PACS1: variants seen among roughly 807,000 people sequenced by gnomAD.
PACS1 encodes the protein PACS-1.
Under a neutral mutation model 115.0 loss-of-function variants are expected in PACS1, and 24 were observed. That is an observed-to-expected ratio of 0.21 (90% CI 0.15 to 0.29). The LOEUF is 0.29. Among genes scored for constraint, PACS1 ranks in the 10% least tolerant of loss-of-function variants. The probability of loss-of-function intolerance (pLI) is 1.00; values close to 1 mark genes in which losing one functional copy is unlikely to be tolerated. For missense variants in PACS1, 838 were observed against 1,251.2 expected (o/e 0.67, Z 4.98); for synonymous variants, 453 against 504.5 (o/e 0.90, Z 1.37).
At chr11:66,153,221 C>T (rs1035737897) in intron 1 of PACS1, among the ~76,000 whole-genome samples, 1 of 152,030 alleles carries the variant, frequency 6.6e-6, no homozygotes, top group African/African-American at 2.4e-5. Context: ...GCCTTGAACT[C>T]CTGGGCTCAA....
chr11:66,169,366 T>A (rs1859683601), intron 1 of PACS1, among the ~76,000 whole-genome samples: 1 of 150,080 alleles, frequency 6.7e-6, no homozygotes, highest in Non-Finnish European at 1.5e-5. Flanking sequence ...AAAGCATCTT[T>A]ACATTCCTGA....
At chr11:66,182,342 G>A (rs1187639553) in intron 1 of PACS1, among the ~76,000 whole-genome samples, 1 of 152,138 alleles carries the variant, frequency 6.6e-6, no homozygotes, top group Non-Finnish European at 1.5e-5. Flanking sequence ...CCCTAAGGAT[G>A]TTCCTTAGTT....
intron 1 of PACS1, among the ~76,000 whole-genome samples, chr11:66,184,124 G>A (rs993550624): frequency 2.0e-5 from 3 of 151,848 alleles, no homozygotes; most frequent in African/African-American, 4.8e-5. Context: ...TGCAAAATTT[G>A]ACCACTTTGC....
intron 1 of PACS1, among the ~76,000 whole-genome samples, chr11:66,101,923 T>C (rs1357701444): frequency 2.0e-5 from 3 of 152,234 alleles, no homozygotes; most frequent in Non-Finnish European, 2.9e-5. Flanking sequence ...AGTGTATTTA[T>C]ACTTGATGCA....
chr11:66,160,696 G>A (rs1388493546), intron 1 of PACS1, among the ~76,000 whole-genome samples: 1 of 146,130 alleles, frequency 6.8e-6, no homozygotes, highest in East Asian at 2.0e-4. Context: ...TGGCAGGGGA[G>A]TGAGGGTGGG....
intron 1 of PACS1, among the ~76,000 whole-genome samples, chr11:66,157,067 C>T (rs1859378748): frequency 6.6e-6 from 1 of 152,018 alleles, no homozygotes; most frequent in Admixed American, 6.6e-5. Context: ...TTTGTCTCCC[C>T]TCAATTACGT....
intron 2 of PACS1, among the ~76,000 whole-genome samples, chr11:66,194,625 C>G (rs1330121805): frequency 5.3e-5 from 8 of 152,166 alleles, no homozygotes; most frequent in Admixed American, 5.2e-4. Flanking sequence ...TGATGACTCC[C>G]TGGAGTAGAG....
At chr11:66,115,847 C>G (rs1349723877) in intron 1 of PACS1, among the ~76,000 whole-genome samples, 1 of 152,178 alleles carries the variant, frequency 6.6e-6, no homozygotes, top group Non-Finnish European at 1.5e-5. Context: ...GCTTAAAGCA[C>G]GAAGGCGTTG....
At chr11:66,108,325 A>G (rs556812878) in intron 1 of PACS1, among the ~76,000 whole-genome samples, 70 of 152,120 alleles carry the variant, frequency 4.6e-4, no homozygotes, top group Non-Finnish European at 8.2e-4. Flanking sequence ...TAAGGATGCC[A>G]GCCCTATCAG....
chr11:66,196,383 C>T (rs747710017), intron 2 of PACS1, among the ~76,000 whole-genome samples: 1 of 152,158 alleles, frequency 6.6e-6, no homozygotes, highest in Non-Finnish European at 1.5e-5. Flanking sequence ...CAGCAAAGTT[C>T]GATGTCTGTC....
chr11:66,093,329 C>A, intron 1 of PACS1, among the ~76,000 whole-genome samples: 1 of 149,446 alleles, frequency 6.7e-6, no homozygotes. Context: ...CACATAGGCT[C>A]AAAATAAAAG....
At chr11:66,226,104 A>G (rs945926158) in intron 10 of PACS1, among the ~76,000 whole-genome samples, 3 of 152,206 alleles carry the variant, frequency 2.0e-5, no homozygotes, top group African/African-American at 4.8e-5. Flanking sequence ...CCCGGGAGGC[A>G]GAGGTTGCAG....
intron 1 of PACS1, among the ~76,000 whole-genome samples, chr11:66,125,378 A>G (rs1169787582): frequency 1.3e-5 from 2 of 152,226 alleles, no homozygotes; most frequent in African/African-American, 4.8e-5. Flanking sequence ...ATTTGCTACA[A>G]TGAAGTTCTA....
At chr11:66,219,507 G>A in intron 7 of PACS1, 1 of 654,280 alleles carries the variant, frequency 1.5e-6, no homozygotes, top group Non-Finnish European at 2.8e-6. Flanking sequence ...GCACAGGGGG[G>A]TGGAGGACCT....
intron 4 of PACS1, among the ~76,000 whole-genome samples, chr11:66,214,776 C>T (rs1265724681): frequency 6.6e-6 from 1 of 151,868 alleles, no homozygotes; most frequent in Non-Finnish European, 1.5e-5. Context: ...CATGCGCCAC[C>T]ACACCCAGCT....
intron 22 of PACS1, among the ~76,000 whole-genome samples, chr11:66,241,932 C>A (rs1393962512): frequency 6.6e-6 from 1 of 152,220 alleles, no homozygotes; most frequent in Non-Finnish European, 1.5e-5. Flanking sequence ...ATGAAGGGGG[C>A]CTTTCTGGCC....
chr11:66,142,368 G>A (rs1590774735), intron 1 of PACS1, among the ~76,000 whole-genome samples: 1 of 152,024 alleles, frequency 6.6e-6, no homozygotes, highest in African/African-American at 2.4e-5. Context: ...GCCCAGGCTG[G>A]AGTGCAATGC....
At chr11:66,110,920 A>G (rs2134545369) in intron 1 of PACS1, among the ~76,000 whole-genome samples, 1 of 152,220 alleles carries the variant, frequency 6.6e-6, no homozygotes, top group Non-Finnish European at 1.5e-5. Context: ...CTTCCCTACC[A>G]ACCCTCCCAA....
rs200223128 is a variant in PACS1, at chr11:66,180,360, T to TG, written c.357-13126_357-13125insG. Among the ~76,000 whole-genome samples, 1,149 of 151,538 alleles carry TG rather than the reference T, an allele frequency of 7.6e-3. 12 individuals carry two copies. Among genetic ancestry groups the TG allele is most frequent in the African/African-American group, 0.026 (1,078 of 41,336 alleles). ...TGTCTCTTTCTTTCAGCTTTTTTTTTTGTGTGTGTGTGTGAAACGGAGTCT... is the reference window on the plus strand; with the variant it reads ...TGTCTCTTTCTTTCAGCTTTTTTTTTGTGTGTGTGTGTGTGAAACGGAGTCT... On this transcript the variant is annotated intron_variant, in intron 1 of 23. Coordinates refer to ENST00000320580, the MANE Select transcript of PACS1 (RefSeq NM_018026.4).
Sources: allele counts gnomAD v4.1 joint callset (sites outside exome capture counted in the v4.1 genomes callset), GRCh38; gene constraint gnomAD v4.1.1; transcripts MANE v1.5; gene names NCBI Gene and HGNC (gene_info 2026-07-23, HGNC 2026-07-21).